Variants in CASZ1 observed in about 807,000 individuals in gnomAD.
CASZ1 encodes the protein zinc finger protein castor homolog 1.
In CASZ1, 28 loss-of-function variants were observed where a neutral mutation model predicts 135.2. The observed-to-expected ratio is 0.21, with a 90% confidence interval of 0.15 to 0.28. CASZ1 has a LOEUF of 0.28. Among genes scored for constraint, CASZ1 ranks in the 10% least tolerant of loss-of-function variants. The pLI is 1.00. For missense variants in CASZ1, 2,161 were observed against 2,453.3 expected, an observed-to-expected ratio of 0.88 and a Z score of 2.52; for synonymous variants, 1,068 against 1,073.4, an observed-to-expected ratio of 0.99 and a Z score of 0.10.
intron 15 of CASZ1, 31 bp from the exon 16 acceptor site, chr1:10,648,170 G>T (rs1475631447): frequency 1.4e-6 from 2 of 1,452,096 alleles, no homozygotes; most frequent in East Asian, 2.5e-5. Context: ...GGTCTCATGG[G>T]GGGCAGTGAA....
rs1639448766 is a variant in CASZ1, at chr1:10,719,084, T to A, written c.-76-13540A>T. On this transcript the variant is annotated intron_variant, in intron 2 of 20. Transcript: ENST00000377022. The surrounding 1 kb of genome is among the most constrained non-coding windows in gnomAD (Gnocchi z 4.0). ...CTCGCCACCACACCTGGCTAATTTT[T>A]TTTTTACTTTTAGTGGAGGTGGGGT... 6.6e-6 allele frequency among the ~76,000 whole-genome samples: 1 copy of A among 152,122 alleles called. No homozygotes were observed. Among genetic ancestry groups the A allele is most frequent in the Non-Finnish European group, 1.5e-5 (1 of 68,018 alleles).
intron 1 of CASZ1, among the ~76,000 whole-genome samples, chr1:10,795,276 A>G (rs1045318996): frequency 6.6e-6 from 1 of 152,080 alleles, no homozygotes; most frequent in African/African-American, 2.4e-5. Flanking sequence ...TTTGCCGTTA[A>G]GCCGGACCCT....
rs1400564935 is a variant in CASZ1 at position 10,701,539 on chromosome 1, G to T, written c.-24+3953C>A. On this transcript the variant is annotated intron_variant, in intron 3 of 20. Coordinates refer to ENST00000377022, the MANE Select transcript of CASZ1 (RefSeq NM_001079843.3). The surrounding 1 kb of genome is among the most constrained non-coding windows in gnomAD (Gnocchi z 6.3). ...TGATGGAGTGATGGGAGGAGGGGGG[G>T]CGCGGTCAGAAGAAGGAGATAACGG... is the stretch of plus-strand genomic sequence containing the variant. 6.6e-6 allele frequency among the ~76,000 whole-genome samples: 1 copy of T among 152,176 alleles called. No homozygotes were observed. The highest frequency in any genetic ancestry group is 1.5e-5 in the Non-Finnish European group (1 of 68,030).
intron 1 of CASZ1, among the ~76,000 whole-genome samples, chr1:10,783,463 G>A (rs771302985): frequency 3.3e-5 from 5 of 152,012 alleles, no homozygotes; most frequent in African/African-American, 7.3e-5. Flanking sequence ...AGGATGTGAG[G>A]GGGTGGGGGT....
intron 2 of CASZ1, among the ~76,000 whole-genome samples, chr1:10,722,039 C>A (rs1034252834): frequency 6.6e-6 from 1 of 152,256 alleles, no homozygotes; most frequent in Admixed American, 6.5e-5. Flanking sequence ...ATGACACAGG[C>A]ATCTATGGAA....
At position 10,660,220 on chromosome 1, in the gene CASZ1, G is replaced by T. The variant is rs766354566; in HGVS notation, c.822C>A (p.Pro274=). The T allele has an allele frequency of 6.8e-6, 11 of 1,612,806 alleles. No individual in the cohort carries two copies. The African/African-American group carries it at 1.5e-4, about 22-fold the overall frequency. The change falls in exon 6 of 21, where the codon CCC becomes CCA. Residue 274 remains proline, a synonymous_variant. Transcript: ENST00000377022. ...RVGKEVVGTL[P]GLRLPSSTAH... ...CCGTGCTGCTGGGCAGCCGCAGGCCGGGCAGGGTGCCCACCACCTCCTTGC... is the reference window on the plus strand; with the variant it reads ...CCGTGCTGCTGGGCAGCCGCAGGCCTGGCAGGGTGCCCACCACCTCCTTGC...
chr1:10,723,618 C>A (rs779341660), intron 2 of CASZ1, among the ~76,000 whole-genome samples: 8 of 152,190 alleles, frequency 5.3e-5, no homozygotes, highest in Non-Finnish European at 8.8e-5. Flanking sequence ...TGGGGTCCTG[C>A]GCTTTGCAGG....
At position 10,788,149 on chromosome 1, in the gene CASZ1, C is replaced by T. The variant is rs1455573706; in HGVS notation, c.-234+8415G>A. On this transcript the variant is annotated intron_variant, in intron 1 of 20. Transcript: ENST00000377022. This position sits in a 1 kb window ranked among gnomAD's most constrained non-coding sequence, Gnocchi z 4.1. ...CCTTTATATGTGCCCAAGAGCTCTG[C>T]CATTAAGGGGATGTATCCATTACTG... Among the ~76,000 whole-genome samples, 1 of 152,166 alleles carries T rather than the reference C, an allele frequency of 6.6e-6. No individual in the cohort carries two copies. The highest frequency in any genetic ancestry group is 1.5e-5 in the Non-Finnish European group (1 of 68,026).
Position 10,709,443 on chromosome 1 carries a change from G to T in CASZ1, c.-76-3899C>A, listed in dbSNP as rs1160222848. ...TCATGGAAACGGGCACTTTCCCGGA[G>T]AAATATTCTGTTTGGCCTCCTTCCT... On this transcript the variant is annotated intron_variant, in intron 2 of 20. Coordinates refer to ENST00000377022, the MANE Select transcript of CASZ1 (RefSeq NM_001079843.3). This position sits in a 1 kb window ranked among gnomAD's most constrained non-coding sequence, Gnocchi z 5.1. Among the ~76,000 whole-genome samples the T allele has an allele frequency of 6.6e-6, 1 of 152,220 alleles. No homozygotes were observed. The highest frequency in any genetic ancestry group is 2.4e-5 in the African/African-American group (1 of 41,466).
At chr1:10,714,296 AGACT>A (rs1056366107) in intron 2 of CASZ1, among the ~76,000 whole-genome samples, 1 of 152,194 alleles carries the variant, frequency 6.6e-6, no homozygotes. Flanking sequence ...CAACAGAACA[AGACT>A]CCATCTCAAA....
rs759093436 is a variant in CASZ1 at position 10,639,709 on chromosome 1, C to T, written c.4513G>A (p.Asp1505Asn). 5.6e-6 allele frequency: 9 copies of T among 1,593,756 alleles called. No homozygotes were observed. The Admixed American group carries it at 7.1e-5, about 12-fold the overall frequency. Residue 1505 changes from aspartate to asparagine, a missense_variant, in exon 21 of 21, where the codon GAC (aspartate) becomes AAC (asparagine). Asp to Asn is a conservative substitution (Grantham distance 23). Around this residue, in one of 7 missense-constraint regions of CASZ1, gnomAD observed 240 missense variants for 321.4 expected, o/e 0.75. Transcript: ENST00000377022. This position sits in a 1 kb window ranked among gnomAD's most constrained non-coding sequence, Gnocchi z 4.0. ...FKASLSCHFA[D>N]CPFSGTSTHF... is the part of the protein sequence containing the mutation. Reference sequence around the variant, plus strand: ...GTGCTGGTGCCCGAGAAGGGGCAGTCGGCGAAGTGGCAGCTGAGTGAGGCC... The same window carrying T: ...GTGCTGGTGCCCGAGAAGGGGCAGTTGGCGAAGTGGCAGCTGAGTGAGGCC...
At chr1:10,770,839 ACCT>A (rs1229700263) in intron 1 of CASZ1, among the ~76,000 whole-genome samples, 1 of 152,140 alleles carries the variant, frequency 6.6e-6, no homozygotes, top group Non-Finnish European at 1.5e-5. Flanking sequence ...TGCCTCTTTT[ACCT>A]CGGATCACCC....
In CASZ1 at chr1:10,762,319, G is replaced by A. The variant is rs755726262; in HGVS notation, c.-233-1462C>T. 4.6e-5 allele frequency among the ~76,000 whole-genome samples: 7 copies of A among 152,238 alleles called. No individual in the cohort carries two copies. The highest frequency in any genetic ancestry group is 1.2e-4 in the African/African-American group (5 of 41,544). ...CTCGGCGCCACACAGGGTTAACAGC[G>A]GGTTTCCTGGTTTCCATGGATTCCT... On this transcript the variant is annotated intron_variant, in intron 1 of 20. Coordinates refer to ENST00000377022, the MANE Select transcript of CASZ1 (RefSeq NM_001079843.3). The surrounding 1 kb of genome is among the most constrained non-coding windows in gnomAD (Gnocchi z 4.1).
At chr1:10,738,178 C>T (rs1032676518) in intron 2 of CASZ1, among the ~76,000 whole-genome samples, 6 of 152,118 alleles carry the variant, frequency 3.9e-5, no homozygotes, top group African/African-American at 1.4e-4. Flanking sequence ...AGGGACTGAC[C>T]GAGAAGAGAG....
rs1437384733 is a variant in CASZ1 at position 10,654,212 on chromosome 1, G to A, written c.1845C>T (p.Pro615=). ...TGTTCTTGAAAGTGAATGTGCAGCCGGGGCGCCTGGATGGGACATTGGGAG... is the reference window on the plus strand; with the variant it reads ...TGTTCTTGAAAGTGAATGTGCAGCCAGGGCGCCTGGATGGGACATTGGGAG... ...QKTTHFHCRR[P]GCTFTFKNKC... is the part of the protein sequence containing the mutation. The change falls in exon 11 of 21, where the codon CCC becomes CCT. Residue 615 remains proline (P), a synonymous_variant. Transcript: ENST00000377022. The A allele has an allele frequency of 1.9e-6, 3 of 1,613,816 alleles. No individual in the cohort carries two copies. The highest frequency in any genetic ancestry group is 2.2e-5 in the South Asian group (2 of 91,078).
At chr1:10,749,253 ATT>A (rs373908985) in intron 2 of CASZ1, among the ~76,000 whole-genome samples, 4 of 139,768 alleles carry the variant, frequency 2.9e-5, no homozygotes, top group Non-Finnish European at 6.3e-5. Flanking sequence ...TTTCCCCCCT[ATT>A]TTTTTTTTTT....
intron 2 of CASZ1, among the ~76,000 whole-genome samples, chr1:10,743,306 G>C (rs1468521019): frequency 2.0e-5 from 3 of 152,034 alleles, no homozygotes; most frequent in Non-Finnish European, 4.4e-5. Flanking sequence ...AGTGATATTT[G>C]GGGAGACTCT....
rs1557496838 is a variant in CASZ1 at position 10,676,590 on chromosome 1, A to C, written c.17-11019T>G. 6.6e-6 allele frequency among the ~76,000 whole-genome samples: 1 copy of C among 151,940 alleles called. No individual in the cohort carries two copies. The highest frequency in any genetic ancestry group is 1.5e-5 in the Non-Finnish European group (1 of 67,970). ...TCCATCTCTCTCTGTGCCTCGGTGG[A>C]CCAACCTGCCTAGGGGTGCCCTGGG... On this transcript the variant is annotated intron_variant, in intron 4 of 20. Coordinates refer to ENST00000377022, the MANE Select transcript of CASZ1 (RefSeq NM_001079843.3). This position sits in a 1 kb window ranked among gnomAD's most constrained non-coding sequence, Gnocchi z 4.5.
chr1:10,692,603 G>A (rs1638803617), intron 4 of CASZ1, among the ~76,000 whole-genome samples: 2 of 152,148 alleles, frequency 1.3e-5, no homozygotes, highest in South Asian at 4.1e-4. Flanking sequence ...GGCCCTCCAC[G>A]TCAGACCAGC....
Sources: gnomAD v4.1 joint callset for allele counts (sites outside exome capture counted in the v4.1 genomes callset) on GRCh38, gnomAD v4.1.1 for gene constraint, gnomAD v4.1.1 regional missense constraint, Gnocchi (gnomAD v3.1) non-coding constraint, MANE v1.5 for transcripts, NCBI Gene and HGNC (gene_info 2026-07-23, HGNC 2026-07-21) for gene names.